Variants in CEACAM8 observed in about 807,000 individuals in gnomAD.
CEACAM8 encodes the protein cell adhesion molecule CEACAM8.
Under a neutral mutation model 33.4 loss-of-function variants are expected in CEACAM8, and 31 were observed. That is an observed-to-expected ratio of 0.93 (90% confidence interval 0.70 to 1.25). CEACAM8 has a LOEUF of 1.25. Ranked by LOEUF, CEACAM8 falls within the 50% of genes most tolerant of loss-of-function variation. The pLI is 0.00. For synonymous variants in CEACAM8, 138 were observed against 164.5 expected, an observed-to-expected ratio of 0.84 and a Z score of 1.23; for missense variants, 388 against 434.6, an observed-to-expected ratio of 0.89 and a Z score of 0.95.
intron 1 of CEACAM8, 62 bp from the exon 2 acceptor site, chr19:42,593,962 GA>G: frequency 5.3e-6 from 8 of 1,508,220 alleles, no homozygotes; most frequent in Non-Finnish European, 7.1e-6. Context: ...GAAAAATGGG[GA>G]CATCAGCTTT....
chr19:42,590,584 C>T (rs912342031), intron 2 of CEACAM8, among the ~76,000 whole-genome samples: 10 of 152,172 alleles, frequency 6.6e-5, no homozygotes, highest in Non-Finnish European at 1.2e-4. Context: ...CCTCATGGAC[C>T]GTGGGTGTTT....
chr19:42,594,642 C>T, intron 1 of CEACAM8, 123 bp downstream of exon 1: 1 of 729,388 alleles, frequency 1.4e-6, no homozygotes, highest in Non-Finnish European at 2.4e-6. Context: ...CTTGTGTCCT[C>T]TCCTCTATTA....
intron 4 of CEACAM8, 142 bp from the exon 5 acceptor site, chr19:42,583,479 C>A: frequency 1.5e-6 from 1 of 650,602 alleles, no homozygotes. Flanking sequence ...GTTGCTGGGA[C>A]GTGATTAGCC....
intron 5 of CEACAM8, among the ~76,000 whole-genome samples, chr19:42,582,812 G>A (rs190077107): frequency 2.9e-4 from 44 of 152,296 alleles, no homozygotes; most frequent in African/African-American, 9.4e-4. Flanking sequence ...GAGTAAGTGA[G>A]TGAACTAGAT....
chr19:42,587,243 A>T (rs2042351664), intron 4 of CEACAM8, among the ~76,000 whole-genome samples: 1 of 152,226 alleles, frequency 6.6e-6, no homozygotes, highest in Non-Finnish European at 1.5e-5. Context: ...CCACTTCTGG[A>T]CATATATGCA....
At chr19:42,592,430 C>A (rs566566463) in intron 2 of CEACAM8, among the ~76,000 whole-genome samples, 7 of 136,302 alleles carry the variant, frequency 5.1e-5, no homozygotes, top group African/African-American at 2.6e-4. Context: ...TGGTAAAACT[C>A]TGTCTCTAAT....
At chr19:42,584,312 A>G (rs779824752) in intron 4 of CEACAM8, among the ~76,000 whole-genome samples, 1 of 152,174 alleles carries the variant, frequency 6.6e-6, no homozygotes, top group Non-Finnish European at 1.5e-5. Flanking sequence ...GATTAATGCT[A>G]TGTTAGCTAC....
At chr19:42,582,152 A>T (rs181874219) in intron 5 of CEACAM8, among the ~76,000 whole-genome samples, 17 of 151,856 alleles carry the variant, frequency 1.1e-4, no homozygotes, top group African/African-American at 4.1e-4. Flanking sequence ...CATCCTGGTT[A>T]CATGTTAGTA....
Position 42,580,824 on chromosome 19 carries a change from G to A in CEACAM8, c.*570C>T, listed in dbSNP as rs2042249562. 6.6e-6 allele frequency: 1 copy of A among 152,116 alleles called. No homozygotes were observed. The highest frequency in any genetic ancestry group is 6.5e-5 in the Admixed American group (1 of 15,278). The allele number at this position is 152,116 out of a possible 1,614,324, so 9.4% of individuals were successfully genotyped here. A position where few individuals can be genotyped will look rare whatever the true frequency, so the allele number is the denominator to read the frequency against. ...ATCTTAAAAACGGGCTGGGCGCGGT[G>A]GCTCACACCTGTAATCCCAGAACTT... On this transcript the variant is annotated 3_prime_UTR_variant, in exon 6 of 6. Coordinates refer to ENST00000244336, the MANE Select transcript of CEACAM8 (RefSeq NM_001816.4).
Position 42,588,974 on chromosome 19 carries a change from G to A in CEACAM8, c.768C>T (p.Asn256=). 1.2e-6 allele frequency: 2 copies of A among 1,614,194 alleles called. No homozygotes were observed. Among genetic ancestry groups the A allele is most frequent in the Middle Eastern group, 3.3e-4 (2 of 6,062 alleles). Residue 256 remains asparagine, a synonymous_variant, in exon 4 of 6, where the codon AAC becomes AAT. Coordinates refer to ENST00000244336, the MANE Select transcript of CEACAM8 (RefSeq NM_001816.4). ...GATTAGAGGCCGCATGGCAGGAGAG[G>A]TTGAGATTTACCCCTGCATGGTAAT... ...DTYYHAGVNL[N]LSCHAASNPP...
At chr19:42,591,630 AT>A (rs1359968092) in intron 2 of CEACAM8, among the ~76,000 whole-genome samples, 2 of 152,156 alleles carry the variant, frequency 1.3e-5, no homozygotes, top group Non-Finnish European at 2.9e-5. Flanking sequence ...GTTTTTGCGA[AT>A]TGGACAGAGT....
Position 42,593,810 on chromosome 19 carries a change from AG to A in CEACAM8, c.154del (p.Leu52PhefsTer29), listed in dbSNP as rs750059384. On this transcript the variant is annotated frameshift_variant, in exon 2 of 6. Transcript: ENST00000244336. LOFTEE classifies it high-confidence loss of function. ...CTGGGGCAGATTGTGGACAAGTAGA[AG>A]AACCTCCTTCCCCTCTGCAGCATTG... ...PSNAAEGKEV[L>X]LLVHNLPQDP... 1 of 1,614,108 alleles carries A rather than the reference AG, an allele frequency of 6.2e-7. No homozygotes were observed. The highest frequency in any genetic ancestry group is 1.1e-5 in the South Asian group (1 of 91,078).
chr19:42,583,042 A>G (rs879753877), intron 5 of CEACAM8, 164 bp downstream of exon 5: 15 of 575,314 alleles, frequency 2.6e-5, no homozygotes, highest in Middle Eastern at 9.1e-4. Context: ...ACAGTGGGGT[A>G]CAGGGAGCAT....
chr19:42,594,832 C>A lies in CEACAM8; in HGVS notation c.-4G>T. On this transcript the variant is annotated 5_prime_UTR_variant, in exon 1 of 6. Transcript: ENST00000244336. ...AAGGGGCTGAGATGGGCCCCATGGT[C>A]TCTGCTGCCTGCGTGTTCTCCTCTG... is the stretch of plus-strand genomic sequence containing the variant. The A allele has an allele frequency of 6.2e-7, 1 of 1,608,974 alleles. No homozygotes were observed. Among genetic ancestry groups the A allele is most frequent in the Non-Finnish European group, 8.5e-7 (1 of 1,176,944 alleles).
At chr19:42,588,134 C>T (rs1016435721) in intron 4 of CEACAM8, among the ~76,000 whole-genome samples, 1 of 152,226 alleles carries the variant, frequency 6.6e-6, no homozygotes, top group Non-Finnish European at 1.5e-5. Context: ...TTCCCGGAGG[C>T]TCCCTGTCTT....
chr19:42,582,450 C>A (rs1459971348), intron 5 of CEACAM8, among the ~76,000 whole-genome samples: 2 of 152,068 alleles, frequency 1.3e-5, no homozygotes, highest in Non-Finnish European at 2.9e-5. Flanking sequence ...ATGAATTGGT[C>A]ATCAGGAAAA....
At chr19:42,592,740 G>A (rs2042467944) in intron 2 of CEACAM8, among the ~76,000 whole-genome samples, 1 of 152,042 alleles carries the variant, frequency 6.6e-6, no homozygotes, top group South Asian at 2.1e-4. Flanking sequence ...CAGAGGAGGC[G>A]CTCACACAAA....
At position 42,580,356 on chromosome 19, in the gene CEACAM8, A is replaced by G. The variant is rs2042245720; in HGVS notation, c.*1038T>C. On this transcript the variant is annotated 3_prime_UTR_variant, in exon 6 of 6. Coordinates refer to ENST00000244336, the MANE Select transcript of CEACAM8 (RefSeq NM_001816.4). Reference sequence around the variant, plus strand: ...GTCTGACTCTAAAAGAGACCATAGTACATTTGAACAAAGAGTTGTGTTAAA... The same window carrying G: ...GTCTGACTCTAAAAGAGACCATAGTGCATTTGAACAAAGAGTTGTGTTAAA... The G allele has an allele frequency of 6.6e-6, 1 of 152,250 alleles. No homozygotes were observed. Among genetic ancestry groups the G allele is most frequent in the Non-Finnish European group, 1.5e-5 (1 of 68,046 alleles). 9.4% of individuals were successfully genotyped at this position (152,250 alleles called of 1,614,324 possible).
chr19:42,592,014 G>A (rs201820867), intron 2 of CEACAM8, among the ~76,000 whole-genome samples: 12 of 152,310 alleles, frequency 7.9e-5, no homozygotes, highest in East Asian at 7.7e-4. Context: ...GACATTCCTC[G>A]CACTGGCTCT....
Sources: allele counts gnomAD v4.1 joint callset (sites outside exome capture counted in the v4.1 genomes callset), GRCh38; gene constraint gnomAD v4.1.1; transcripts MANE v1.5; gene names NCBI Gene and HGNC (gene_info 2026-07-23, HGNC 2026-07-21).